NFYC: variants seen among roughly 807,000 people sequenced by gnomAD.
NFYC encodes the protein CAAT box DNA-binding protein subunit C.
Under a neutral mutation model 53.1 loss-of-function variants are expected in NFYC, and 25 were observed. The observed-to-expected ratio is 0.47, with a 90% CI of 0.34 to 0.66. The LOEUF is 0.66. Among genes scored for constraint, NFYC ranks in the 30% least tolerant of loss-of-function variants. The pLI is 0.01. For missense variants in NFYC, 260 were observed against 422.7 expected, an observed-to-expected ratio of 0.62 and a Z score of 3.38; for synonymous variants, 145 against 152.6, an observed-to-expected ratio of 0.95 and a Z score of 0.37.
Position 40,732,272 on chromosome 1 carries a change from C to T in NFYC, c.-8-6564C>T, listed in dbSNP as rs1364153056. ...GAGAGCTGAACTGAAGTCTAAAGGT[C>T]CTGAGTTTCAGAAACCAGGTCATAT... On this transcript the variant is annotated intron_variant, in intron 1 of 9. Coordinates refer to ENST00000447388, the MANE Select transcript of NFYC (RefSeq NM_014223.5). Among the ~76,000 whole-genome samples the T allele has an allele frequency of 5.3e-5, 8 of 152,134 alleles. 1 individual carries two copies. In the South Asian group the frequency reaches 6.2e-4, roughly 12 times the overall value.
chr1:40,698,534 C>G (rs1643271825), intron 1 of NFYC, among the ~76,000 whole-genome samples: 1 of 151,464 alleles, frequency 6.6e-6, no homozygotes, highest in Non-Finnish European at 1.5e-5. Context: ...TCAGACGATT[C>G]TCCTGCCTCA....
chr1:40,715,432 T>G (rs1212563713), intron 1 of NFYC, among the ~76,000 whole-genome samples: 1 of 150,574 alleles, frequency 6.6e-6, no homozygotes, highest in Non-Finnish European at 1.5e-5. Context: ...CCTGTAGAAA[T>G]GGAGTCTCAT....
chr1:40,711,614 C>T (rs1157329690), intron 1 of NFYC, among the ~76,000 whole-genome samples: 1 of 152,158 alleles, frequency 6.6e-6, no homozygotes, highest in Non-Finnish European at 1.5e-5. Context: ...TGGAAAAATG[C>T]ACATGGGCAT....
intron 5 of NFYC, among the ~76,000 whole-genome samples, chr1:40,756,781 T>G (rs139261985): frequency 1.3e-5 from 2 of 152,358 alleles, no homozygotes; most frequent in Non-Finnish European, 2.9e-5. Context: ...CCTGTCTAAA[T>G]CCATTCATCA....
At chr1:40,761,914 C>T (rs561953088) in intron 6 of NFYC, among the ~76,000 whole-genome samples, 11 of 152,196 alleles carry the variant, frequency 7.2e-5, no homozygotes, top group South Asian at 2.1e-4. Context: ...GCTCCACCCA[C>T]GCCCACACCC....
Position 40,770,342 on chromosome 1 carries a change from ATGCTGACTT to A in NFYC, c.889-366_889-358del. 1 of 1,481,794 alleles carries A rather than the reference ATGCTGACTT, an allele frequency of 6.7e-7. No individual in the cohort carries two copies. The highest frequency in any genetic ancestry group is 9.1e-7 in the Non-Finnish European group (1 of 1,101,670). The allele number at this position is 1,481,794 out of a possible 1,614,324, so 91.8% of individuals were successfully genotyped here. On this transcript the variant is annotated intron_variant, in intron 9 of 9. Coordinates refer to ENST00000447388, the MANE Select transcript of NFYC (RefSeq NM_014223.5). The surrounding 1 kb of genome is among the most constrained non-coding windows in gnomAD (Gnocchi z 5.3). ...GTGTAGATTACCAAGAGTTGGGGAA[ATGCTGACTT>A]CCAAGCTGCTGGTACAGTGGTTCGA...
At chr1:40,726,498 C>T (rs747264949) in intron 1 of NFYC, among the ~76,000 whole-genome samples, 1 of 151,964 alleles carries the variant, frequency 6.6e-6, no homozygotes, top group African/African-American at 2.4e-5. Context: ...CAACCTCTGC[C>T]TTCCAGGTTC....
In NFYC at chr1:40,770,163, C is replaced by T. The variant is rs1334132879; in HGVS notation, c.889-546C>T. Among the ~76,000 whole-genome samples, 15 of 152,180 alleles carry T rather than the reference C, an allele frequency of 9.9e-5. No homozygotes were observed. Among genetic ancestry groups the T allele is most frequent in the Admixed American group, 9.8e-4 (15 of 15,282 alleles). ...AGTGGCTGTGTGAGTATCTTCTCCA[C>T]CCCTGGAGCGTCTTGGCTATAGTTA... On this transcript the variant is annotated intron_variant, in intron 9 of 9. Coordinates refer to ENST00000447388, the MANE Select transcript of NFYC (RefSeq NM_014223.5). This position sits in a 1 kb window ranked among gnomAD's most constrained non-coding sequence, Gnocchi z 5.3.
At chr1:40,740,654 G>A (rs1259292207) in intron 2 of NFYC, among the ~76,000 whole-genome samples, 4 of 152,162 alleles carry the variant, frequency 2.6e-5, no homozygotes, top group Non-Finnish European at 4.4e-5. Context: ...AGAGAAGGGA[G>A]GAATAAATGA....
chr1:40,762,860 G>T, intron 6 of NFYC, 28 bp from the exon 7 acceptor site: 1 of 1,535,428 alleles, frequency 6.5e-7, no homozygotes, highest in African/African-American at 1.4e-5. Context: ...CTGAACTCAC[G>T]CAGCATTCTC....
At chr1:40,757,506 C>A in intron 5 of NFYC, 1 of 384,878 alleles carries the variant, frequency 2.6e-6, no homozygotes, top group Admixed American at 2.8e-5. Context: ...TGGCTAAGTA[C>A]AACCAGAACC....
chr1:40,764,250 C>A lies in NFYC; in HGVS notation c.720+1204C>A, dbSNP rs1436840996. On this transcript the variant is annotated intron_variant, in intron 7 of 9. Transcript: ENST00000447388. ...AAACGTAGGCAGGTATAGAAACTCACGTAGACTTGGTTAACCACTTCCTCT... is the reference window on the plus strand; with the variant it reads ...AAACGTAGGCAGGTATAGAAACTCAAGTAGACTTGGTTAACCACTTCCTCT... Among the ~76,000 whole-genome samples the A allele has an allele frequency of 3.9e-5, 6 of 152,184 alleles. No individual in the cohort carries two copies. The East Asian group carries it at 7.7e-4, about 20-fold the overall frequency.
intron 1 of NFYC, among the ~76,000 whole-genome samples, chr1:40,726,222 A>G (rs1416363355): frequency 6.6e-6 from 1 of 151,884 alleles, no homozygotes. Flanking sequence ...GGCTCAAGCG[A>G]TTCTGCTGCC....
At chr1:40,726,694 G>A (rs1644535664) in intron 1 of NFYC, among the ~76,000 whole-genome samples, 1 of 152,242 alleles carries the variant, frequency 6.6e-6, no homozygotes, top group Admixed American at 6.5e-5. Context: ...TGGGATTACT[G>A]GCGTGAGCCA....
intron 4 of NFYC, 127 bp from the exon 5 acceptor site, chr1:40,753,024 A>T (rs1646000865): frequency 1.6e-6 from 1 of 634,488 alleles, no homozygotes; most frequent in Non-Finnish European, 2.8e-6. Context: ...TGCTTATTTC[A>T]GCTGTAGACT....
intron 1 of NFYC, among the ~76,000 whole-genome samples, chr1:40,730,261 G>A (rs1012775490): frequency 1.5e-4 from 21 of 136,602 alleles, no homozygotes; most frequent in Non-Finnish European, 2.9e-4. Context: ...AGCTGGTCTC[G>A]AACTCCTGGA....
intron 7 of NFYC, among the ~76,000 whole-genome samples, chr1:40,764,689 T>C (rs996055361): frequency 6.6e-6 from 1 of 152,218 alleles, no homozygotes; most frequent in Non-Finnish European, 1.5e-5. Context: ...AGGCAGCTCA[T>C]TGGAATGTTC....
intron 1 of NFYC, among the ~76,000 whole-genome samples, chr1:40,734,678 A>C (rs1186974823): frequency 6.6e-6 from 1 of 152,156 alleles, no homozygotes; most frequent in Middle Eastern, 3.2e-3. Flanking sequence ...TATATATAAT[A>C]TTAATTGTTG....
intron 1 of NFYC, among the ~76,000 whole-genome samples, chr1:40,722,492 T>C (rs1644362998): frequency 6.6e-6 from 1 of 152,234 alleles, no homozygotes; most frequent in African/African-American, 2.4e-5. Context: ...TAAGTCTAAA[T>C]TATAGAGAAA....
Sources: allele counts gnomAD v4.1 joint callset (sites outside exome capture counted in the v4.1 genomes callset), GRCh38; gene constraint gnomAD v4.1.1; non-coding constraint Gnocchi (gnomAD v3.1); transcripts MANE v1.5; gene names NCBI Gene and HGNC (gene_info 2026-07-23, HGNC 2026-07-21).